Variants in TBC1D1 observed in about 807,000 individuals in gnomAD.
TBC1D1 encodes the protein TBC1 (tre-2/USP6, BUB2, cdc16) domain family, member 1.
In TBC1D1, 89 loss-of-function variants were observed where a neutral mutation model predicts 125.6. The observed-to-expected ratio is 0.71, with a 90% CI of 0.60 to 0.85. TBC1D1 has a LOEUF of 0.85. Among genes scored for constraint, TBC1D1 ranks in the 40% least tolerant of loss-of-function variants. TBC1D1 has a pLI of 0.00. For missense variants in TBC1D1, 1,377 were observed against 1,469.2 expected (o/e 0.94, Z 1.03); for synonymous variants, 565 against 564.1 (o/e 1.00, Z -0.02).
intron 10 of TBC1D1, among the ~76,000 whole-genome samples, chr4:38,047,084 A>G (rs78760445): frequency 0.036 from 5,438 of 152,290 alleles, 149 homozygotes; most frequent in South Asian, 0.074. Context: ...TCACAAAACA[A>G]TATTTACTGT....
chr4:38,065,903 G>T (rs1335420574), intron 12 of TBC1D1, among the ~76,000 whole-genome samples: 2 of 152,102 alleles, frequency 1.3e-5, no homozygotes, highest in Admixed American at 6.6e-5. Context: ...GCCCACCTCG[G>T]CCTCCCAAAG....
chr4:38,033,431 G>A (rs1207472180), intron 7 of TBC1D1, among the ~76,000 whole-genome samples: 3 of 151,964 alleles, frequency 2.0e-5, no homozygotes, highest in Non-Finnish European at 2.9e-5. Flanking sequence ...GGAAAATTGG[G>A]TGAAAAGTAC....
intron 2 of TBC1D1, among the ~76,000 whole-genome samples, chr4:37,908,167 C>T (rs1265393038): frequency 2.0e-5 from 3 of 151,954 alleles, no homozygotes; most frequent in African/African-American, 4.8e-5. Context: ...GAGTGTGTGC[C>T]GGGCCCAGGG....
At chr4:37,939,594 G>C (rs1442035427) in intron 2 of TBC1D1, among the ~76,000 whole-genome samples, 1 of 151,164 alleles carries the variant, frequency 6.6e-6, no homozygotes, top group Non-Finnish European at 1.5e-5. Flanking sequence ...TGAAGTCCTT[G>C]CCCATGCCTA....
intron 2 of TBC1D1, chr4:38,006,758 C>T (rs1046419004): frequency 6.0e-5 from 27 of 450,610 alleles, no homozygotes; most frequent in Middle Eastern, 8.1e-4. Context: ...GGATTACAGG[C>T]GTGAGCCACT....
At chr4:37,924,515 C>A (rs993347597) in intron 2 of TBC1D1, among the ~76,000 whole-genome samples, 3 of 152,138 alleles carry the variant, frequency 2.0e-5, no homozygotes, top group African/African-American at 7.2e-5. Flanking sequence ...ACTCTGTAGC[C>A]ATTAAAAATA....
intron 4 of TBC1D1, among the ~76,000 whole-genome samples, chr4:38,019,921 G>A (rs1212276713): frequency 6.6e-6 from 1 of 152,138 alleles, no homozygotes; most frequent in Admixed American, 6.6e-5. Flanking sequence ...ACCTTTGGGT[G>A]TGTATGTGCT....
At position 38,137,927 on chromosome 4, in the gene TBC1D1, C is replaced by T. The variant is rs1449266309; in HGVS notation, c.*592C>T. The stretch of plus-strand genomic sequence containing the variant: ...AAGATGATGAGTTCAGCCTTTATCC[C>T]TCGTGGTTCCACTAGATGTAACTTA... On this transcript the variant is annotated 3_prime_UTR_variant, in exon 20 of 20. Coordinates refer to ENST00000261439, the MANE Select transcript of TBC1D1 (RefSeq NM_015173.4). 6.6e-6 allele frequency: 1 copy of T among 152,646 alleles called. No homozygotes were observed. Among genetic ancestry groups the T allele is most frequent in the Non-Finnish European group, 1.5e-5 (1 of 68,078 alleles). The allele number at this position is 152,646 out of a possible 1,614,324, so 9.5% of individuals were successfully genotyped here.
intron 2 of TBC1D1, among the ~76,000 whole-genome samples, chr4:37,993,576 A>G (rs1472573737): frequency 6.7e-6 from 1 of 149,994 alleles, no homozygotes; most frequent in African/African-American, 2.4e-5. Flanking sequence ...CAAACAACAA[A>G]GCTTTATTTA....
intron 2 of TBC1D1, among the ~76,000 whole-genome samples, chr4:37,931,722 C>T (rs990115641): frequency 6.6e-6 from 1 of 152,062 alleles, no homozygotes; most frequent in East Asian, 1.9e-4. Context: ...GTGATCCACC[C>T]GCCTTGGCCT....
At chr4:38,044,002 C>G (rs1439222153) in intron 8 of TBC1D1, among the ~76,000 whole-genome samples, 2 of 152,200 alleles carry the variant, frequency 1.3e-5, no homozygotes, top group Non-Finnish European at 2.9e-5. Flanking sequence ...TTCGATCTTG[C>G]CATTGGTCTC....
intron 2 of TBC1D1, among the ~76,000 whole-genome samples, chr4:38,013,848 A>G (rs1302434197): frequency 6.6e-6 from 1 of 152,218 alleles, no homozygotes; most frequent in Non-Finnish European, 1.5e-5. Flanking sequence ...AATATTAGTC[A>G]TGGGTTACTC....
intron 3 of TBC1D1, among the ~76,000 whole-genome samples, chr4:38,015,646 G>T (rs145195654): frequency 6.6e-6 from 1 of 152,128 alleles, no homozygotes; most frequent in African/African-American, 2.4e-5. Context: ...GAGCTGTCCC[G>T]GCAGCGAGCC....
rs1008876784 is a variant in TBC1D1, at chr4:37,995,370, C to G, written c.418-19139C>G. On this transcript the variant is annotated intron_variant, in intron 2 of 19. Coordinates refer to ENST00000261439, the MANE Select transcript of TBC1D1 (RefSeq NM_015173.4). This position sits in a 1 kb window ranked among gnomAD's most constrained non-coding sequence, Gnocchi z 4.3. ...CTTTGATTTCCTTCATCTGTAAAAG[C>G]AGGAAGAAAATATTTGCCACTCAGT... The G allele has an allele frequency of 3.3e-5, 6 of 180,382 alleles. No homozygotes were observed. The highest frequency in any genetic ancestry group is 7.0e-5 in the Non-Finnish European group (6 of 86,040). 11.2% of individuals were successfully genotyped at this position (180,382 alleles called of 1,614,324 possible).
At chr4:37,905,452 C>T (rs564703243) in intron 2 of TBC1D1, among the ~76,000 whole-genome samples, 27 of 152,196 alleles carry the variant, frequency 1.8e-4, no homozygotes, top group African/African-American at 4.1e-4. Context: ...AGCAAAAGGA[C>T]GTCAGAAGGA....
At chr4:38,034,098 G>A (rs537269110) in intron 7 of TBC1D1, among the ~76,000 whole-genome samples, 1 of 152,326 alleles carries the variant, frequency 6.6e-6, no homozygotes, top group South Asian at 2.1e-4. Context: ...CAAAGTGGCT[G>A]TACTGTTTTG....
chr4:37,935,538 C>T (rs965107289), intron 2 of TBC1D1, among the ~76,000 whole-genome samples: 8 of 152,190 alleles, frequency 5.3e-5, no homozygotes, highest in African/African-American at 9.7e-5. Context: ...ATCTCTCCTA[C>T]CTCTGGTAAC....
chr4:38,087,867 A>AG (rs1373796073), intron 12 of TBC1D1, among the ~76,000 whole-genome samples: 2 of 149,264 alleles, frequency 1.3e-5, no homozygotes, highest in East Asian at 2.0e-4. Context: ...AAAAAAGAAA[A>AG]AAAAAAAAAA....
chr4:37,913,905 A>G (rs755898669), intron 2 of TBC1D1, among the ~76,000 whole-genome samples: 1 of 151,802 alleles, frequency 6.6e-6, no homozygotes, highest in Non-Finnish European at 1.5e-5. Context: ...CCTTCTTTGT[A>G]CTTTTCTTAC....
Sources: gnomAD v4.1 joint callset for allele counts (sites outside exome capture counted in the v4.1 genomes callset) on GRCh38, gnomAD v4.1.1 for gene constraint, Gnocchi (gnomAD v3.1) non-coding constraint, MANE v1.5 for transcripts, NCBI Gene and HGNC (gene_info 2026-07-23, HGNC 2026-07-21) for gene names.